The following ADCY8 variants were observed in gnomAD, a reference collection of about 807,000 sequenced individuals.
ADCY8 encodes adenylate cyclase 8.
Under a neutral mutation model 119.7 loss-of-function variants are expected in ADCY8, and 51 were observed. That is an observed-to-expected ratio of 0.43 (90% CI 0.34 to 0.54). The LOEUF (loss-of-function observed/expected upper bound fraction) is 0.54, where lower values mean the gene tolerates loss of function less well. Among genes scored for constraint, ADCY8 ranks in the 20% least tolerant of loss-of-function variants. ADCY8 has a pLI of 0.03. For missense variants in ADCY8, 1,383 were observed against 1,598.8 expected (o/e 0.87, Z 2.30); for synonymous variants, 665 against 651.0 (o/e 1.02, Z -0.33).
At chr8:130,984,754 C>G (rs373289653) in intron 2 of ADCY8, among the ~76,000 whole-genome samples, 52 of 152,080 alleles carry the variant, frequency 3.4e-4, no homozygotes, top group African/African-American at 1.3e-3. Flanking sequence ...GGATCAGGTA[C>G]AAGCGTGTAT....
At chr8:130,855,618 G>C (rs1472992697) in intron 9 of ADCY8, among the ~76,000 whole-genome samples, 1 of 139,488 alleles carries the variant, frequency 7.2e-6, no homozygotes, top group Non-Finnish European at 1.5e-5. Flanking sequence ...GCCCAGGCCC[G>C]CTGGGAAGTG....
intron 7 of ADCY8, among the ~76,000 whole-genome samples, chr8:130,899,368 G>A (rs1337663855): frequency 6.6e-6 from 1 of 152,188 alleles, no homozygotes; most frequent in Non-Finnish European, 1.5e-5. Context: ...AACTTTGGGA[G>A]TCTGAGGCGA....
At chr8:130,835,887 G>A (rs1483168005) in intron 12 of ADCY8, among the ~76,000 whole-genome samples, 1 of 152,180 alleles carries the variant, frequency 6.6e-6, no homozygotes, top group East Asian at 1.9e-4. Flanking sequence ...TGGATATGGA[G>A]GTCCAACTGT....
rs552935067 is a variant in ADCY8, at chr8:131,001,852, G to A, written c.961-11310C>T. On this transcript the variant is annotated intron_variant, in intron 1 of 17. Transcript: ENST00000286355. The stretch of plus-strand genomic sequence containing the variant: ...AAGTATTAAAGTCTTCTATATTTAC[G>A]GTGCTTTACAAAGAACATTTATGTC... 9.9e-5 allele frequency among the ~76,000 whole-genome samples: 15 copies of A among 151,986 alleles called. No homozygotes were observed. In the South Asian group the frequency reaches 2.3e-3, roughly 23 times the overall value.
At chr8:130,850,313 A>G (rs1269113526) in intron 9 of ADCY8, among the ~76,000 whole-genome samples, 1 of 152,136 alleles carries the variant, frequency 6.6e-6, no homozygotes, top group East Asian at 1.9e-4. Flanking sequence ...AGGAGAACTC[A>G]TCCTTGTCCA....
chr8:130,816,196 G>T (rs1350479463), intron 13 of ADCY8, among the ~76,000 whole-genome samples: 1 of 152,104 alleles, frequency 6.6e-6, no homozygotes, highest in African/African-American at 2.4e-5. Flanking sequence ...AATAACAAAG[G>T]CTGGAAACAA....
chr8:130,879,634 A>T (rs1424779547), intron 8 of ADCY8, among the ~76,000 whole-genome samples: 5 of 152,230 alleles, frequency 3.3e-5, no homozygotes, highest in Non-Finnish European at 5.9e-5. Context: ...GCATAATTTA[A>T]CTATGAGAAT....
rs113650483 is a variant in ADCY8, at chr8:130,974,782, C to T, written c.1110+15611G>A. ...AGATGCACCCCTGCAAGATTTAAAA[C>T]GTGAAGGTTAAAAGGAGAGCATTCT... On this transcript the variant is annotated intron_variant, in intron 2 of 17. Transcript: ENST00000286355. 2.0e-3 allele frequency among the ~76,000 whole-genome samples: 297 copies of T among 152,296 alleles called. 1 individual carries two copies. The highest frequency in any genetic ancestry group is 7.0e-3 in the African/African-American group (290 of 41,558).
At chr8:130,944,502 A>G (rs1310006773) in intron 3 of ADCY8, among the ~76,000 whole-genome samples, 1 of 152,224 alleles carries the variant, frequency 6.6e-6, no homozygotes. Flanking sequence ...AGTGTAATTT[A>G]GTTTTAATGA....
intron 12 of ADCY8, among the ~76,000 whole-genome samples, chr8:130,824,378 A>G (rs190107291): frequency 2.8e-4 from 42 of 152,336 alleles, no homozygotes; most frequent in African/African-American, 9.9e-4. Context: ...CTGAGTTGTT[A>G]AAAAATTTAA....
At chr8:130,782,921 T>C (rs887636000) in intron 17 of ADCY8, among the ~76,000 whole-genome samples, 1 of 152,190 alleles carries the variant, frequency 6.6e-6, no homozygotes, top group Non-Finnish European at 1.5e-5. Context: ...TAAACTGCAC[T>C]CTGGCAGCCA....
At chr8:130,916,755 A>G (rs947921659) in intron 5 of ADCY8, among the ~76,000 whole-genome samples, 2 of 152,252 alleles carry the variant, frequency 1.3e-5, no homozygotes, top group African/African-American at 4.8e-5. Context: ...AATTCGGCCC[A>G]TCCCTTCGTT....
At chr8:130,999,526 C>A (rs1183187244) in intron 1 of ADCY8, among the ~76,000 whole-genome samples, 1 of 152,112 alleles carries the variant, frequency 6.6e-6, no homozygotes, top group African/African-American at 2.4e-5. Context: ...GGGGATATCT[C>A]CCTGGGGTGT....
chr8:130,873,897 A>C (rs1818458392), intron 8 of ADCY8, among the ~76,000 whole-genome samples: 1 of 152,194 alleles, frequency 6.6e-6, no homozygotes, highest in Non-Finnish European at 1.5e-5. Context: ...TGTAAAAGAA[A>C]ATTCTCAACT....
At chr8:131,018,185 A>C (rs116442754) in intron 1 of ADCY8, among the ~76,000 whole-genome samples, 363 of 152,254 alleles carry the variant, frequency 2.4e-3, no homozygotes, top group African/African-American at 8.4e-3. Flanking sequence ...CTTCTTTAGC[A>C]ATTATTATTT....
At chr8:130,942,686 G>A (rs959625963) in intron 4 of ADCY8, among the ~76,000 whole-genome samples, 1 of 152,174 alleles carries the variant, frequency 6.6e-6, no homozygotes, top group African/African-American at 2.4e-5. Context: ...ACTTTACACA[G>A]CAGGAAATTA....
chr8:130,814,589 G>T (rs1381441806), intron 13 of ADCY8, among the ~76,000 whole-genome samples: 1 of 152,352 alleles, frequency 6.6e-6, no homozygotes, highest in East Asian at 1.9e-4. Context: ...ATAAAGGAAA[G>T]ATGTTTAATG....
chr8:130,880,497 T>A (rs1486607648), intron 8 of ADCY8, among the ~76,000 whole-genome samples: 1 of 152,206 alleles, frequency 6.6e-6, no homozygotes, highest in African/African-American at 2.4e-5. Flanking sequence ...AGTTCTGATT[T>A]GTGCTTGCCC....
chr8:130,961,642 T>C (rs6991107), intron 2 of ADCY8, among the ~76,000 whole-genome samples: 119,234 of 152,068 alleles, frequency 0.78, 50,158 homozygotes, highest in East Asian at 0.95. Flanking sequence ...TCATCACACA[T>C]GTTTAGTTGT....
Sources: allele counts gnomAD v4.1 joint callset (sites outside exome capture counted in the v4.1 genomes callset), GRCh38; gene constraint gnomAD v4.1.1; transcripts MANE v1.5; gene names NCBI Gene and HGNC (gene_info 2026-07-23, HGNC 2026-07-21).